LMTK3: variants seen among roughly 807,000 people sequenced by gnomAD.
LMTK3 encodes serine/threonine-protein kinase LMTK3.
A neutral mutation model predicts 116.7 loss-of-function variants in LMTK3; 27 were observed. The observed-to-expected ratio is 0.23, with a 90% confidence interval of 0.17 to 0.32. The LOEUF is 0.32. Among genes scored for constraint, LMTK3 ranks in the 10% least tolerant of loss-of-function variants. The pLI is 1.00. For synonymous variants in LMTK3, 965 were observed against 971.0 expected (o/e 0.99, Z 0.11); for missense variants, 1,764 against 2,068.5 (o/e 0.85, Z 2.86).
chr19:48,513,458 C>G (rs2050568409), upstream of LMTK3: 1 of 505,910 alleles, frequency 2.0e-6, no homozygotes, highest in Non-Finnish European at 3.6e-6. The surrounding 1 kb of genome is among the most constrained non-coding windows in gnomAD (Gnocchi z 5.6). Flanking sequence ...ACCGACACAT[C>G]AGACAAGGAC....
At chr19:48,502,368 C>T (rs1476063073) in intron 7 of LMTK3, 65 bp downstream of exon 7, 10 of 1,560,448 alleles carry the variant, frequency 6.4e-6, no homozygotes, top group Non-Finnish European at 6.1e-6. Context: ...AGCCCCTCCC[C>T]TGAGGCCTCA....
intron 11 of LMTK3, among the ~76,000 whole-genome samples, chr19:48,495,310 T>C (rs12463044): frequency 0.075 from 11,454 of 152,134 alleles, 623 homozygotes; most frequent in Middle Eastern, 0.21. Context: ...GCACCCAGCC[T>C]AGAGGGGGTT....
chr19:48,499,180 C>T lies in LMTK3; in HGVS notation c.1889G>A (p.Gly630Glu), dbSNP rs533819643. 71 of 1,481,610 alleles carry T rather than the reference C, an allele frequency of 4.8e-5. No individual in the cohort carries two copies. In the East Asian group the frequency reaches 6.5e-4, roughly 14 times the overall value. 91.8% of individuals were successfully genotyped at this position (1,481,610 alleles called of 1,614,324 possible). A position where few individuals can be genotyped will look rare whatever the true frequency, so the allele number is the denominator to read the frequency against. Residue 630 changes from glycine to glutamate, a missense_variant, in exon 11 of 15, where the codon GGG becomes GAG. Physicochemically the swap from Gly to Glu is moderately conservative, Grantham distance 98. Coordinates refer to ENST00000600059, the MANE Select transcript of LMTK3 (RefSeq NM_001388485.1). The part of the protein sequence containing the change: ...TLAGDPAEVL[G>E]ERGTAPWVEE... ...CACCCACGGGGCGGTCCCCCGCTCC[C>T]CCAAGACCTCGGCAGGGTCTCCCGC...
intron 14 of LMTK3, among the ~76,000 whole-genome samples, chr19:48,489,552 G>A (rs963881926): frequency 2.6e-5 from 4 of 152,144 alleles, no homozygotes; most frequent in African/African-American, 9.7e-5. Flanking sequence ...CGGCTTGGGC[G>A]ACGAGCAAAA....
rs531293978 is a variant in LMTK3, at chr19:48,501,057, C to T, written c.1090G>A (p.Val364Ile). ...GCCAGCTTCACATGCTGCTGGCGGA[C>T]CACGAAGGCGAGGACCTCCTCGTCT... The part of the protein sequence containing the change: ...LSDEEVLAFV[V>I]RQQHVKLARP... Residue 364 changes from valine to isoleucine, a missense_variant, in exon 10 of 15, where the codon GTC becomes ATC. Physicochemically the swap from Val to Ile is conservative, Grantham distance 29 (BLOSUM62 3). Coordinates refer to ENST00000600059, the MANE Select transcript of LMTK3 (RefSeq NM_001388485.1). The T allele has an allele frequency of 1.3e-6, 2 of 1,558,616 alleles. No homozygotes were observed. Among genetic ancestry groups the T allele is most frequent in the Non-Finnish European group, 1.7e-6 (2 of 1,153,396 alleles).
intron 14 of LMTK3, among the ~76,000 whole-genome samples, chr19:48,489,344 G>A (rs995412417): frequency 3.3e-5 from 5 of 152,166 alleles, no homozygotes; most frequent in African/African-American, 4.8e-5. Flanking sequence ...AGGCCAAGGC[G>A]GGCAGATCGC....
At chr19:48,513,002 TAC>T (rs1972685780), upstream of LMTK3, 4 of 731,638 alleles carry the variant, frequency 5.5e-6, no homozygotes, top group Non-Finnish European at 9.8e-6. This position sits in a 1 kb window ranked among gnomAD's most constrained non-coding sequence, Gnocchi z 5.6. Flanking sequence ...CACACAAGGT[TAC>T]AAAGACACAG....
At position 48,511,620 on chromosome 19, in the gene LMTK3, A is replaced by AGGTGGGGGGGGG; in HGVS notation, c.-45_-44insCCCCCCCCCACC. 8.5e-6 allele frequency: 1 copy of AGGTGGGGGGGGG among 118,230 alleles called. No homozygotes were observed. The highest frequency in any genetic ancestry group is 1.5e-5 in the Non-Finnish European group (1 of 66,528). 7.3% of individuals were successfully genotyped at this position (118,230 alleles called of 1,614,324 possible). ...GAGGTGGAGGTGGTGGCGGCTGGGG[A>AGGTGGGGGGGGG]GGAGGGGGGGGCGGGCCCTCAGCCC... On this transcript the variant is annotated 5_prime_UTR_variant, in exon 1 of 15. Coordinates refer to ENST00000600059, the MANE Select transcript of LMTK3 (RefSeq NM_001388485.1).
Position 48,510,543 on chromosome 19 carries a change from G to A in LMTK3, c.126C>T (p.Val42=). The A allele has an allele frequency of 6.2e-7, 1 of 1,601,000 alleles. No homozygotes were observed. The highest frequency in any genetic ancestry group is 1.1e-5 in the South Asian group (1 of 88,418). The change falls in exon 2 of 15, where the codon GTC becomes GTT. Residue 42 remains valine (V), a synonymous_variant. Transcript: ENST00000600059. ...RAPLAPPYAV[V]LISCSGLLAF... ...CCAGCAGGCCGGAGCAGGAAATGAG[G>A]ACCACAGCGTAGGGAGGAGCCAGAG... is the stretch of plus-strand genomic sequence containing the variant.
At chr19:48,509,655 T>C (rs1972625516) in intron 3 of LMTK3, 142 bp from the exon 4 acceptor site, 1 of 735,036 alleles carries the variant, frequency 1.4e-6, no homozygotes, top group African/African-American at 1.8e-5. Flanking sequence ...TGTCAGAATC[T>C]CAGCTTCCTC....
chr19:48,507,156 G>A (rs1972584053), intron 5 of LMTK3, among the ~76,000 whole-genome samples: 1 of 152,206 alleles, frequency 6.6e-6, no homozygotes, highest in South Asian at 2.1e-4. Flanking sequence ...GAGACTTGGG[G>A]TGGCTGGTGT....
At chr19:48,493,575 C>T (rs1326996991) in intron 12 of LMTK3, 119 bp downstream of exon 12, 1 of 1,315,130 alleles carries the variant, frequency 7.6e-7, no homozygotes, top group Non-Finnish European at 9.9e-7. Flanking sequence ...ACTCCAGCTC[C>T]GCCTCCCTCC....
In LMTK3 at chr19:48,491,465, G is replaced by A; in HGVS notation, c.4167C>T (p.Pro1389=). Residue 1389 remains proline (P), a synonymous_variant, in exon 13 of 15, where the codon CCC becomes CCT. Coordinates refer to ENST00000600059, the MANE Select transcript of LMTK3 (RefSeq NM_001388485.1). This position sits in a 1 kb window ranked among gnomAD's most constrained non-coding sequence, Gnocchi z 5.1. ...GGGTGGCGGGGTGGGGAGGTGTCGG[G>A]GGCGCTGGAGGCGTTGACGGGTCCG... ...GDTDPSTPPA[P]PTPPHPATPG... is the part of the protein sequence containing the mutation. 1 of 1,418,870 alleles carries A rather than the reference G, an allele frequency of 7.0e-7. No homozygotes were observed. The highest frequency in any genetic ancestry group is 9.2e-7 in the Non-Finnish European group (1 of 1,087,730). 87.9% of individuals were successfully genotyped at this position (1,418,870 alleles called of 1,614,324 possible).
intron 14 of LMTK3, among the ~76,000 whole-genome samples, chr19:48,490,109 GGAAA>G (rs1972196777): frequency 6.6e-6 from 1 of 152,228 alleles, no homozygotes; most frequent in Non-Finnish European, 1.5e-5. Context: ...TGAAACGCCA[GGAAA>G]GAAACCTGAC....
chr19:48,485,787 G>C lies in LMTK3; in HGVS notation c.4369C>G (p.Pro1457Ala). 6.2e-7 allele frequency: 1 copy of C among 1,610,520 alleles called. No homozygotes were observed. The highest frequency in any genetic ancestry group is 2.2e-5 in the East Asian group (1 of 44,740). ...TCTTCGGGGAATCAATTCTCCACGG[G>C]GCCTGAGGATGGACAGAGGAGACAG... is the stretch of plus-strand genomic sequence containing the variant. ...ARAPDARPAGPVEN is the reference protein window; with the variant it reads ...ARAPDARPAGAVEN Residue 1457 changes from proline (P) to alanine (A), a missense_variant and splice_region_variant, in exon 15 of 15, where the codon CCC becomes GCC. By Grantham distance (27) the Pro-to-Ala change is conservative (BLOSUM62 -1). Around this residue, in one of 7 missense-constraint regions of LMTK3, gnomAD observed 281 missense variants for 301.4 expected, o/e 0.93. Coordinates refer to ENST00000600059, the MANE Select transcript of LMTK3 (RefSeq NM_001388485.1).
Position 48,493,879 on chromosome 19 carries a change from G to A in LMTK3, c.3907C>T (p.Pro1303Ser). 4 of 1,095,510 alleles carry A rather than the reference G, an allele frequency of 3.7e-6. No homozygotes were observed. The highest frequency in any genetic ancestry group is 4.4e-6 in the Non-Finnish European group (4 of 903,288). 67.9% of individuals were successfully genotyped at this position (1,095,510 alleles called of 1,614,324 possible). ...APGAAAGPRG[P>S]GRARAAPVPV... Reference sequence around the variant, plus strand: ...ACCGGGGCTGCTCGCGCCCTCCCGGGGCCCCGCGGCCCCGCCGCCGCGCCC... The same window carrying A: ...ACCGGGGCTGCTCGCGCCCTCCCGGAGCCCCGCGGCCCCGCCGCCGCGCCC... Residue 1303 changes from proline (P) to serine (S), a missense_variant, in exon 12 of 15, where the codon CCC (proline) becomes TCC (serine). Around this residue, in one of 7 missense-constraint regions of LMTK3, gnomAD observed 281 missense variants for 301.4 expected, o/e 0.93. Transcript: ENST00000600059.
At chr19:48,509,038 C>T (rs1183510830) in intron 4 of LMTK3, 69 bp from the exon 5 acceptor site, 6 of 1,018,934 alleles carry the variant, frequency 5.9e-6, no homozygotes, top group Non-Finnish European at 5.9e-6. Context: ...ACCAGCTCCA[C>T]TCCACCACAC....
chr19:48,499,098 A>T lies in LMTK3; in HGVS notation c.1971T>A (p.Leu657=), dbSNP rs746509988. The T allele has an allele frequency of 1.9e-6, 3 of 1,555,552 alleles. No homozygotes were observed. The highest frequency in any genetic ancestry group is 2.6e-6 in the Non-Finnish European group (3 of 1,155,720). ...GSSPGEDSSS[L]GGGPSRRGPL... Reference sequence around the variant, plus strand: ...GACCCCGGCGGCTTGGGCCACCTCCAAGGCTGCTGCTGTCTTCCCCTGGGG... The same window carrying T: ...GACCCCGGCGGCTTGGGCCACCTCCTAGGCTGCTGCTGTCTTCCCCTGGGG... Residue 657 remains leucine (L), a synonymous_variant, in exon 11 of 15, where the codon CTT becomes CTA. Coordinates refer to ENST00000600059, the MANE Select transcript of LMTK3 (RefSeq NM_001388485.1).
intron 14 of LMTK3, among the ~76,000 whole-genome samples, chr19:48,490,113 A>G (rs1972196857): frequency 6.6e-6 from 1 of 152,234 alleles, no homozygotes; most frequent in Non-Finnish European, 1.5e-5. Context: ...ACGCCAGGAA[A>G]GAAACCTGAC....
Sources: allele counts gnomAD v4.1 joint callset (sites outside exome capture counted in the v4.1 genomes callset), GRCh38; gene constraint gnomAD v4.1.1; regional missense constraint gnomAD v4.1.1; non-coding constraint Gnocchi (gnomAD v3.1); transcripts MANE v1.5; gene names NCBI Gene and HGNC (gene_info 2026-07-23, HGNC 2026-07-21).